UNC5D: variants seen among roughly 807,000 people sequenced by gnomAD.
UNC5D encodes the protein netrin receptor UNC5D.
UNC5D carries 39 observed loss-of-function variants against 105.4 expected under a neutral mutation model. That is an observed-to-expected ratio of 0.37 (90% confidence interval 0.29 to 0.48). The LOEUF (loss-of-function observed/expected upper bound fraction) is 0.48. Ranked by LOEUF, UNC5D falls within the 20% of genes least tolerant of loss-of-function variation. The probability of loss-of-function intolerance (pLI) is 0.98; values close to 1 mark genes in which losing one functional copy is unlikely to be tolerated. For synonymous variants in UNC5D, 452 were observed against 450.4 expected (o/e 1.00, Z -0.04); for missense variants, 991 against 1,202.4 (o/e 0.82, Z 2.60).
intron 3 of UNC5D, among the ~76,000 whole-genome samples, chr8:35,585,729 A>G (rs1035100436): frequency 2.0e-5 from 3 of 151,864 alleles, no homozygotes; most frequent in Non-Finnish European, 4.4e-5. Flanking sequence ...TTTGATGGAC[A>G]TTGTAGCAGT....
At chr8:35,470,658 A>G (rs1388232513) in intron 1 of UNC5D, among the ~76,000 whole-genome samples, 4 of 150,782 alleles carry the variant, frequency 2.7e-5, no homozygotes, top group Non-Finnish European at 5.9e-5. Context: ...TTAGGCCCAT[A>G]CTTGGGAGGT....
intron 1 of UNC5D, among the ~76,000 whole-genome samples, chr8:35,486,112 A>G (rs931843175): frequency 2.0e-5 from 3 of 152,194 alleles, no homozygotes; most frequent in Admixed American, 6.5e-5. Context: ...GTTCCCATAT[A>G]AGGAGAGAGT....
chr8:35,299,087 A>T (rs1025695353), intron 1 of UNC5D, among the ~76,000 whole-genome samples: 1 of 152,188 alleles, frequency 6.6e-6, no homozygotes, highest in Non-Finnish European at 1.5e-5. Context: ...TGCAGTCAGG[A>T]TGGTGTGAAT....
intron 1 of UNC5D, among the ~76,000 whole-genome samples, chr8:35,494,373 A>G (rs1029199480): frequency 6.6e-6 from 1 of 152,170 alleles, no homozygotes; most frequent in African/African-American, 2.4e-5. Flanking sequence ...TTTTATTTAC[A>G]TATTAGGATT....
intron 8 of UNC5D, among the ~76,000 whole-genome samples, chr8:35,715,021 C>G (rs911109365): frequency 6.6e-6 from 1 of 152,162 alleles, no homozygotes; most frequent in Non-Finnish European, 1.5e-5. Flanking sequence ...TGTGGTGGCG[C>G]ATGCCTGTAA....
intron 1 of UNC5D, among the ~76,000 whole-genome samples, chr8:35,274,952 G>A (rs531885459): frequency 1.3e-4 from 20 of 151,870 alleles, no homozygotes; most frequent in Non-Finnish European, 2.4e-4. Context: ...TTGGCTGGGC[G>A]TAGTGGCAGG....
intron 1 of UNC5D, among the ~76,000 whole-genome samples, chr8:35,398,295 C>G (rs1350793568): frequency 6.6e-6 from 1 of 152,122 alleles, no homozygotes; most frequent in African/African-American, 2.4e-5. Context: ...TTAAATGAAT[C>G]ACTGTGTTTC....
At chr8:35,327,228 A>C (rs901875291) in intron 1 of UNC5D, among the ~76,000 whole-genome samples, 2 of 152,292 alleles carry the variant, frequency 1.3e-5, no homozygotes, top group Middle Eastern at 3.4e-3. Context: ...TATTTCAGTG[A>C]TGAGCATACA....
intron 15 of UNC5D, among the ~76,000 whole-genome samples, chr8:35,772,800 CCTTT>C (rs913039475): frequency 5.8e-5 from 1 of 17,182 alleles, no homozygotes; most frequent in Non-Finnish European, 9.7e-5. Flanking sequence ...AGCTCAGAGT[CCTTT>C]TTTTTTTTTT....
chr8:35,465,580 C>T (rs1229122412), intron 1 of UNC5D, among the ~76,000 whole-genome samples: 2 of 152,160 alleles, frequency 1.3e-5, no homozygotes, highest in African/African-American at 4.8e-5. Flanking sequence ...CTCCTTATAT[C>T]CTTTTCATGT....
At chr8:35,455,272 G>A (rs1808408790) in intron 1 of UNC5D, among the ~76,000 whole-genome samples, 1 of 149,516 alleles carries the variant, frequency 6.7e-6, no homozygotes, top group Non-Finnish European at 1.5e-5. Context: ...TTATAGCTAG[G>A]AATGGATACT....
At chr8:35,529,666 T>G (rs1438421777) in intron 1 of UNC5D, among the ~76,000 whole-genome samples, 1 of 115,860 alleles carries the variant, frequency 8.6e-6, no homozygotes, top group African/African-American at 3.5e-5. Flanking sequence ...TGATATTGAT[T>G]CTTCCTACCC....
At chr8:35,613,123 G>A (rs901821939) in intron 4 of UNC5D, among the ~76,000 whole-genome samples, 3 of 152,300 alleles carry the variant, frequency 2.0e-5, no homozygotes. Context: ...TGTCTCCCAA[G>A]CTGGAGTGCA....
intron 10 of UNC5D, 138 bp downstream of exon 10, chr8:35,726,667 A>T (rs959477192): frequency 8.3e-6 from 11 of 1,331,992 alleles, no homozygotes; most frequent in Non-Finnish European, 1.1e-5. Context: ...CCACTAGTCC[A>T]CTTGATTTAC....
intron 1 of UNC5D, among the ~76,000 whole-genome samples, chr8:35,444,220 T>C (rs531888846): frequency 6.6e-6 from 1 of 152,154 alleles, no homozygotes; most frequent in South Asian, 2.1e-4. Flanking sequence ...GTGGATGTGT[T>C]ACAGTACTTG....
chr8:35,779,593 G>C (rs942879198), intron 16 of UNC5D, among the ~76,000 whole-genome samples: 2 of 152,050 alleles, frequency 1.3e-5, no homozygotes, highest in Non-Finnish European at 2.9e-5. Flanking sequence ...AGAGTAGCTG[G>C]GATTACAAGC....
At chr8:35,287,762 G>C (rs1342385489) in intron 1 of UNC5D, among the ~76,000 whole-genome samples, 2 of 151,980 alleles carry the variant, frequency 1.3e-5, no homozygotes, top group Non-Finnish European at 2.9e-5. Context: ...AGCTATGATT[G>C]CACCTTTGCA....
At chr8:35,386,386 C>T (rs546443831) in intron 1 of UNC5D, among the ~76,000 whole-genome samples, 127 of 152,204 alleles carry the variant, frequency 8.3e-4, no homozygotes, top group Admixed American at 1.8e-3. Context: ...CCCTGAGAGC[C>T]TGCAAATCAA....
chr8:35,643,972 A>C (rs1245622594), intron 4 of UNC5D, among the ~76,000 whole-genome samples: 1 of 152,120 alleles, frequency 6.6e-6, no homozygotes, highest in African/African-American at 2.4e-5. Flanking sequence ...CACCTACACA[A>C]AACAAGTAGA....
Sources: allele counts gnomAD v4.1 joint callset (sites outside exome capture counted in the v4.1 genomes callset), GRCh38; gene constraint gnomAD v4.1.1; transcripts MANE v1.5; gene names NCBI Gene and HGNC (gene_info 2026-07-23, HGNC 2026-07-21).